The following PIERCE2 variants were observed in gnomAD, a reference collection of about 807,000 sequenced individuals.
PIERCE2 encodes the protein piercer of microtubule wall 2.
At chr15:55,418,073 TATG>T in the PIERCE2 span, 1 of 1,529,542 alleles carries the variant, frequency 6.5e-7, no homozygotes, top group African/African-American at 1.4e-5. Flanking sequence ...TCACTAGGGA[TATG>T]ATGGCTTAGC....
At chr15:55,418,665 T>G in the PIERCE2 span, 1 of 855,570 alleles carries the variant, frequency 1.2e-6, no homozygotes, top group South Asian at 2.2e-5. Flanking sequence ...GATAAAAAGT[T>G]TTGAATCAAT....
the PIERCE2 span, chr15:55,418,344 C>G: frequency 6.5e-7 from 1 of 1,540,430 alleles, no homozygotes; most frequent in Non-Finnish European, 8.8e-7. Context: ...ACACTCCAGA[C>G]AGCCACCTCA....
chr15:55,414,634 T>C, the PIERCE2 span, among the ~76,000 whole-genome samples: 6 of 151,568 alleles, frequency 4.0e-5, no homozygotes, highest in South Asian at 1.0e-3. Context: ...ATCCCATCAT[T>C]TTTGGAGGTT....
the PIERCE2 span, among the ~76,000 whole-genome samples, chr15:55,409,287 C>G: frequency 6.6e-6 from 1 of 152,022 alleles, no homozygotes; most frequent in Non-Finnish European, 1.5e-5. Context: ...GGCCTGTAAT[C>G]CCAGCTACTT....
At chr15:55,418,021 A>G in the PIERCE2 span, 6 of 1,005,894 alleles carry the variant, frequency 6.0e-6, no homozygotes, top group African/African-American at 9.9e-5. Flanking sequence ...TTCTTTTGTG[A>G]TTCTTCACTT....
chr15:55,418,234 T>C, the PIERCE2 span: 1 of 1,571,822 alleles, frequency 6.4e-7, no homozygotes, highest in Non-Finnish European at 8.6e-7. Context: ...ATAAGAAAAG[T>C]ACTTCACCTT....
At chr15:55,412,966 C>T in the PIERCE2 span, among the ~76,000 whole-genome samples, 1 of 152,008 alleles carries the variant, frequency 6.6e-6, no homozygotes. Flanking sequence ...CTCATCCCTA[C>T]AAAAAAATTA....
chr15:55,408,780 C>CA, the PIERCE2 span: 2 of 1,524,862 alleles, frequency 1.3e-6, no homozygotes, highest in African/African-American at 2.8e-5. Context: ...TGACAGACCG[C>CA]AACCGGGTGA....
At chr15:55,414,376 A>C in the PIERCE2 span, among the ~76,000 whole-genome samples, 1 of 151,422 alleles carries the variant, frequency 6.6e-6, no homozygotes, top group East Asian at 2.0e-4. Context: ...CGCTTGGCTA[A>C]TTTTTTGTAT....
chr15:55,413,401 G>A, the PIERCE2 span, among the ~76,000 whole-genome samples: 3 of 152,242 alleles, frequency 2.0e-5, no homozygotes, highest in East Asian at 5.8e-4. Context: ...TCTAGCCTGA[G>A]TGACAGAGAA....
At chr15:55,413,411 A>C in the PIERCE2 span, among the ~76,000 whole-genome samples, 10 of 152,124 alleles carry the variant, frequency 6.6e-5, no homozygotes, top group African/African-American at 2.4e-4. Flanking sequence ...GTGACAGAGA[A>C]AAACTTTCTC....
the PIERCE2 span, among the ~76,000 whole-genome samples, chr15:55,416,396 T>G: frequency 6.6e-6 from 1 of 152,110 alleles, no homozygotes; most frequent in South Asian, 2.1e-4. Flanking sequence ...CCATTGCGCC[T>G]GGACGAAACT....
the PIERCE2 span, among the ~76,000 whole-genome samples, chr15:55,409,421 T>C: frequency 6.6e-6 from 1 of 152,172 alleles, no homozygotes; most frequent in South Asian, 2.1e-4. Context: ...AAAAAAATCT[T>C]ACATTTATAT....
the PIERCE2 span, among the ~76,000 whole-genome samples, chr15:55,415,630 G>T: frequency 6.6e-6 from 1 of 152,098 alleles, no homozygotes; most frequent in African/African-American, 2.4e-5. Flanking sequence ...CAAGCAGCGG[G>T]TACGTGACTG....
chr15:55,414,877 C>CA, the PIERCE2 span, among the ~76,000 whole-genome samples: 6 of 150,984 alleles, frequency 4.0e-5, no homozygotes, highest in East Asian at 3.9e-4. Context: ...GACTCCATCT[C>CA]AAAAAAAAGA....
the PIERCE2 span, chr15:55,417,972 G>A: frequency 1.5e-6 from 1 of 657,684 alleles, no homozygotes; most frequent in Non-Finnish European, 2.5e-6. Flanking sequence ...ATTTCACAAG[G>A]TAATGTCATC....
At chr15:55,414,462 C>T in the PIERCE2 span, among the ~76,000 whole-genome samples, 23 of 152,020 alleles carry the variant, frequency 1.5e-4, 1 homozygote, top group African/African-American at 5.5e-4. Context: ...CCACCGCACT[C>T]GGCCTAGAAA....
At chr15:55,410,804 C>T in the PIERCE2 span, 1 of 152,178 alleles carries the variant, frequency 6.6e-6, no homozygotes, top group East Asian at 1.9e-4. Flanking sequence ...ACAGGGCCTC[C>T]ACCTTCCACC....
the PIERCE2 span, among the ~76,000 whole-genome samples, chr15:55,415,682 CA>C: frequency 6.6e-5 from 10 of 152,052 alleles, no homozygotes; most frequent in Non-Finnish European, 1.3e-4. Context: ...CCGAACAGGA[CA>C]GGGATTTTCA....
Sources: gnomAD v4.1 joint callset for allele counts (sites outside exome capture counted in the v4.1 genomes callset) on GRCh38, gnomAD v4.1.1 for gene constraint, MANE v1.5 for transcripts, NCBI Gene and HGNC (gene_info 2026-07-23, HGNC 2026-07-21) for gene names.